The following UNC13C variants were observed in gnomAD, a reference collection of about 807,000 sequenced individuals.
UNC13C encodes protein unc-13 homolog C.
UNC13C carries 174 observed loss-of-function variants against 245.4 expected under a neutral mutation model. The observed-to-expected ratio is 0.71, with a 90% CI of 0.63 to 0.80. The LOEUF (loss-of-function observed/expected upper bound fraction) is 0.80. UNC13C is among the 30% of genes least tolerant of loss of function. The pLI is 0.00. For synonymous variants in UNC13C, 992 were observed against 895.1 expected (o/e 1.11, Z -1.93); for missense variants, 2,829 against 2,602.9 (o/e 1.09, Z -1.89).
chr15:54,113,906 T>C (rs1026373216), intron 2 of UNC13C, among the ~76,000 whole-genome samples: 3 of 152,200 alleles, frequency 2.0e-5, no homozygotes, highest in African/African-American at 7.2e-5. Flanking sequence ...TGTACCTGTG[T>C]ACGTTTTGCT....
intron 30 of UNC13C, among the ~76,000 whole-genome samples, chr15:54,608,324 T>A (rs75843209): frequency 0.012 from 1,766 of 152,314 alleles, 34 homozygotes; most frequent in African/African-American, 0.04. Context: ...GTCCTCATGA[T>A]CTTGTGAAGG....
chr15:53,882,807 G>A, the UNC13C span, among the ~76,000 whole-genome samples: 1 of 152,134 alleles, frequency 6.6e-6, no homozygotes. Flanking sequence ...TGGAAAACTA[G>A]TGTTCTTCTC....
chr15:53,939,043 A>G, the UNC13C span, among the ~76,000 whole-genome samples: 1 of 152,184 alleles, frequency 6.6e-6, no homozygotes. Context: ...TCTTAAAAAA[A>G]TCAGTGAATC....
chr15:54,213,929 A>C (rs1290700193), intron 4 of UNC13C, among the ~76,000 whole-genome samples: 1 of 152,008 alleles, frequency 6.6e-6, no homozygotes, highest in Non-Finnish European at 1.5e-5. Flanking sequence ...TCACATATCC[A>C]AGGAGGCAAA....
rs559265172 is a variant in UNC13C, at chr15:54,258,236, C to T, written c.3449-5932C>T. 1.1e-3 allele frequency among the ~76,000 whole-genome samples: 164 copies of T among 152,152 alleles called. 1 individual carries two copies. Among genetic ancestry groups the T allele is most frequent in the African/African-American group, 3.9e-3 (163 of 41,516 alleles). On this transcript the variant is annotated intron_variant, in intron 8 of 32. Transcript: ENST00000260323. ...CTTTTATCTTTAAGCCCTTCCTTGG[C>T]CCTCATCTAGCAAATAGATATAGAG...
the UNC13C span, among the ~76,000 whole-genome samples, chr15:53,884,636 A>G: frequency 6.6e-6 from 1 of 152,128 alleles, no homozygotes; most frequent in Non-Finnish European, 1.5e-5. Flanking sequence ...CACCTGGCCA[A>G]CTACTTCACT....
chr15:54,396,900 G>T (rs190906564), intron 18 of UNC13C, among the ~76,000 whole-genome samples: 1 of 149,554 alleles, frequency 6.7e-6, no homozygotes, highest in Admixed American at 6.7e-5. Flanking sequence ...AGTTGTAAAG[G>T]TCTATACTAG....
At chr15:53,900,803 T>A in the UNC13C span, among the ~76,000 whole-genome samples, 1 of 152,196 alleles carries the variant, frequency 6.6e-6, no homozygotes, top group Non-Finnish European at 1.5e-5. Flanking sequence ...TGTGTACATT[T>A]GCAATACTGA....
At chr15:54,592,548 T>C (rs889964639) in intron 30 of UNC13C, among the ~76,000 whole-genome samples, 2 of 152,234 alleles carry the variant, frequency 1.3e-5, no homozygotes. Flanking sequence ...CATTCTATAC[T>C]GTCCCTTTTT....
At chr15:54,388,299 T>C (rs2039879868) in intron 17 of UNC13C, among the ~76,000 whole-genome samples, 1 of 152,146 alleles carries the variant, frequency 6.6e-6, no homozygotes, top group Non-Finnish European at 1.5e-5. Context: ...TATTGTATGC[T>C]CCGGAAGCAC....
At chr15:54,614,301 T>C (rs1900289134) in intron 30 of UNC13C, among the ~76,000 whole-genome samples, 2 of 151,964 alleles carry the variant, frequency 1.3e-5, no homozygotes, top group African/African-American at 2.4e-5. Context: ...CTCCCAAGAC[T>C]TTCATAATTA....
chr15:54,273,732 T>G (rs567615972), intron 10 of UNC13C, among the ~76,000 whole-genome samples: 2 of 152,274 alleles, frequency 1.3e-5, no homozygotes, highest in South Asian at 4.1e-4. Context: ...CCAACTGATC[T>G]AGCAGCATTT....
intron 18 of UNC13C, among the ~76,000 whole-genome samples, chr15:54,403,216 A>G (rs991623239): frequency 6.6e-6 from 1 of 152,178 alleles, no homozygotes; most frequent in Non-Finnish European, 1.5e-5. Context: ...TCATACTGCC[A>G]GGAGGTATTT....
At chr15:54,610,841 C>T (rs940488726) in intron 30 of UNC13C, among the ~76,000 whole-genome samples, 5 of 152,200 alleles carry the variant, frequency 3.3e-5, no homozygotes, top group African/African-American at 4.8e-5. Context: ...CACTGCATCA[C>T]TATTAGGTTT....
At chr15:54,112,323 G>T (rs1275089257) in intron 2 of UNC13C, among the ~76,000 whole-genome samples, 2 of 152,164 alleles carry the variant, frequency 1.3e-5, no homozygotes, top group Admixed American at 1.3e-4. Flanking sequence ...AGGGGCTCCT[G>T]AGTGGGTCTT....
At chr15:54,547,706 A>G (rs2141177929) in intron 27 of UNC13C, among the ~76,000 whole-genome samples, 1 of 152,324 alleles carries the variant, frequency 6.6e-6, no homozygotes, top group East Asian at 1.9e-4. Flanking sequence ...GTGAGTGATA[A>G]AATATAAATT....
In UNC13C at chr15:54,625,310, TTTCTATTGCAAACAGCA is replaced by T. The variant is rs531735902; in HGVS notation, c.6359+1374_6359+1390del. On this transcript the variant is annotated intron_variant, in intron 32 of 32. Transcript: ENST00000260323. ...TGAGATATAGTCCCAACAGATGAGT[TTTCTATTGCAAACAGCA>T]TTCTATTGCAAACAGCAAAAAGGAG... 5.3e-3 allele frequency among the ~76,000 whole-genome samples: 794 copies of T among 150,684 alleles called. 8 individuals carry two copies. The highest frequency in any genetic ancestry group is 0.019 in the African/African-American group (764 of 40,194).
chr15:54,336,900 G>A (rs1006022424), intron 16 of UNC13C, among the ~76,000 whole-genome samples: 1 of 152,048 alleles, frequency 6.6e-6, no homozygotes, highest in Non-Finnish European at 1.5e-5. Flanking sequence ...AAGATAATGT[G>A]CATCCCACCT....
At chr15:54,596,875 A>G (rs1250476875) in intron 30 of UNC13C, among the ~76,000 whole-genome samples, 1 of 152,160 alleles carries the variant, frequency 6.6e-6, no homozygotes, top group African/African-American at 2.4e-5. Context: ...CCAGTAGCTG[A>G]GCAGCTAGTG....
Sources: allele counts gnomAD v4.1 joint callset (sites outside exome capture counted in the v4.1 genomes callset), GRCh38; gene constraint gnomAD v4.1.1; transcripts MANE v1.5; gene names NCBI Gene and HGNC (gene_info 2026-07-23, HGNC 2026-07-21).